GBE1: variants seen among roughly 807,000 people sequenced by gnomAD.
GBE1 encodes the protein 1,4-alpha-glucan branching enzyme 1.
A neutral mutation model predicts 88.8 loss-of-function variants in GBE1; 70 were observed. That is an observed-to-expected ratio of 0.79 (90% CI 0.65 to 0.96). GBE1 has a LOEUF of 0.96. GBE1 is among the 40% of genes least tolerant of loss of function. The pLI is 0.00. For missense variants in GBE1, 872 were observed against 871.0 expected, an observed-to-expected ratio of 1.00 and a Z score of -0.01; for synonymous variants, 284 against 300.1, an observed-to-expected ratio of 0.95 and a Z score of 0.56.
intron 7 of GBE1, chr3:81,612,867 A>G (rs949196618): frequency 2.2e-5 from 9 of 404,736 alleles, no homozygotes; most frequent in Admixed American, 2.1e-4. Context: ...CATCAAAGAC[A>G]ATATTTGGCC....
chr3:81,655,743 C>T lies in GBE1; in HGVS notation c.430-5822G>A, dbSNP rs1223971886. On this transcript the variant is annotated intron_variant, in intron 3 of 15. Transcript: ENST00000429644. ...CCATGTCGGCCAGGCTGCTCTCGAA[C>T]TCCTGACCTCAGGTGATCCACATGC... Among the ~76,000 whole-genome samples the T allele has an allele frequency of 3.3e-5, 5 of 152,288 alleles. No homozygotes were observed. The East Asian group carries it at 9.6e-4, about 29-fold the overall frequency.
intron 1 of GBE1, among the ~76,000 whole-genome samples, chr3:81,741,722 CAT>C (rs1706350755): frequency 1.3e-5 from 2 of 150,916 alleles, no homozygotes; most frequent in African/African-American, 2.4e-5. Flanking sequence ...AATATACACA[CAT>C]ATAACATGTA....
intron 14 of GBE1, among the ~76,000 whole-genome samples, chr3:81,531,595 G>A (rs1485193318): frequency 6.6e-6 from 1 of 151,746 alleles, no homozygotes; most frequent in Non-Finnish European, 1.5e-5. Context: ...GTTCCCTTAA[G>A]GCATAGGGTG....
chr3:81,506,620 C>A (rs1702657915), intron 14 of GBE1, among the ~76,000 whole-genome samples: 1 of 152,100 alleles, frequency 6.6e-6, no homozygotes, highest in Non-Finnish European at 1.5e-5. Context: ...CATGCAGGCA[C>A]ATGTTCACTG....
intron 14 of GBE1, among the ~76,000 whole-genome samples, chr3:81,503,568 C>T (rs1372700594): frequency 6.6e-6 from 1 of 152,082 alleles, no homozygotes; most frequent in East Asian, 1.9e-4. Context: ...AAAGGAGAGA[C>T]ATAGACTGAG....
chr3:81,714,363 A>G (rs1011960171), intron 1 of GBE1, among the ~76,000 whole-genome samples: 1 of 152,204 alleles, frequency 6.6e-6, no homozygotes, highest in Non-Finnish European at 1.5e-5. Flanking sequence ...CTAATCTGAA[A>G]TAAGAATAAT....
intron 7 of GBE1, among the ~76,000 whole-genome samples, chr3:81,634,385 AC>A (rs1390652193): frequency 6.6e-6 from 1 of 152,172 alleles, no homozygotes; most frequent in African/African-American, 2.4e-5. Context: ...CAATTCTAAA[AC>A]CACCCACTTT....
chr3:81,615,804 G>C (rs996670378), intron 7 of GBE1, among the ~76,000 whole-genome samples: 1 of 152,208 alleles, frequency 6.6e-6, no homozygotes, highest in African/African-American at 2.4e-5. Context: ...GAGTGCAACT[G>C]CTTGCTGGCA....
rs1407149518 is a variant in GBE1, at chr3:81,761,447, TC to T, written c.70del (p.Asp24ThrfsTer15). The T allele has an allele frequency of 4.3e-6, 7 of 1,613,486 alleles. No individual in the cohort carries two copies. In the African/African-American group the frequency reaches 9.3e-5, roughly 22 times the overall value. ...CAGGAGTCTGGCCAGTTCGGGCACG[TC>T]AGCCAGGGCGGCATTGAGCGCCGCC... ...YEAALNAALA[D>X]VPELARLLEI... On this transcript the variant is annotated frameshift_variant, in exon 1 of 16. Coordinates refer to ENST00000429644, the MANE Select transcript of GBE1 (RefSeq NM_000158.4). LOFTEE classifies it high-confidence loss of function.
At chr3:81,588,145 A>G (rs1307097278) in intron 9 of GBE1, among the ~76,000 whole-genome samples, 2 of 151,592 alleles carry the variant, frequency 1.3e-5, no homozygotes, top group Non-Finnish European at 2.9e-5. Flanking sequence ...AAGTAAATAT[A>G]TTATATGGTA....
At chr3:81,750,687 A>T (rs1402599728) in intron 1 of GBE1, among the ~76,000 whole-genome samples, 1 of 102,662 alleles carries the variant, frequency 9.7e-6, no homozygotes, top group Non-Finnish European at 1.9e-5. Flanking sequence ...ATATATATAT[A>T]TATATATGTA....
chr3:81,741,511 C>T (rs1706348741), intron 1 of GBE1, among the ~76,000 whole-genome samples: 1 of 151,884 alleles, frequency 6.6e-6, no homozygotes, highest in African/African-American at 2.4e-5. Context: ...CAAACTATAA[C>T]CTAAAAAAGA....
At chr3:81,592,821 C>T (rs1316827524) in intron 8 of GBE1, among the ~76,000 whole-genome samples, 1 of 151,742 alleles carries the variant, frequency 6.6e-6, no homozygotes, top group East Asian at 1.9e-4. Context: ...CTTTGCATAC[C>T]GTAAGTCAGC....
At chr3:81,761,279 T>G (rs1004329849) in intron 1 of GBE1, 96 bp downstream of exon 1, 3 of 1,454,600 alleles carry the variant, frequency 2.1e-6, no homozygotes, top group Non-Finnish European at 2.8e-6. Flanking sequence ...TGGGGCGGGG[T>G]TGGCGCGCGA....
intron 7 of GBE1, among the ~76,000 whole-genome samples, chr3:81,637,236 T>C (rs1408296089): frequency 1.3e-5 from 2 of 152,180 alleles, no homozygotes; most frequent in Non-Finnish European, 2.9e-5. Context: ...ATAAGGTACC[T>C]ATATGATGAA....
intron 1 of GBE1, among the ~76,000 whole-genome samples, chr3:81,740,901 A>G (rs1706340904): frequency 6.6e-6 from 1 of 152,190 alleles, no homozygotes; most frequent in Admixed American, 6.5e-5. Flanking sequence ...CCAGACCACT[A>G]ATTATTCAGC....
chr3:81,631,975 T>C (rs1025034193), intron 7 of GBE1, among the ~76,000 whole-genome samples: 4 of 151,930 alleles, frequency 2.6e-5, no homozygotes, highest in East Asian at 1.9e-4. Context: ...CACCCCCCAA[T>C]AGGCCCTGGT....
chr3:81,692,151 C>T (rs1381163130), intron 2 of GBE1, among the ~76,000 whole-genome samples: 1 of 152,192 alleles, frequency 6.6e-6, no homozygotes, highest in East Asian at 1.9e-4. Flanking sequence ...ACAGTGAGGA[C>T]TGGTAGTTGG....
chr3:81,732,067 G>T (rs1011685255), intron 1 of GBE1, among the ~76,000 whole-genome samples: 36 of 151,974 alleles, frequency 2.4e-4, no homozygotes, highest in African/African-American at 8.7e-4. Flanking sequence ...ACATCACCAT[G>T]AAGACAATTG....
Sources: allele counts gnomAD v4.1 joint callset (sites outside exome capture counted in the v4.1 genomes callset), GRCh38; gene constraint gnomAD v4.1.1; transcripts MANE v1.5; gene names NCBI Gene and HGNC (gene_info 2026-07-23, HGNC 2026-07-21).